DPYD: variants seen among roughly 807,000 people sequenced by gnomAD.
The protein encoded by DPYD is dihydropyrimidine dehydrogenase [NADP(+)].
In DPYD, 109 loss-of-function variants were observed where a neutral mutation model predicts 116.2. The ratio of observed to expected loss-of-function variants is 0.94; its 90% CI spans 0.80 to 1.10. The LOEUF (loss-of-function observed/expected upper bound fraction) is 1.10. Ranked by LOEUF, DPYD falls within the 50% of genes least tolerant of loss-of-function variation. DPYD has a pLI of 0.00. For synonymous variants in DPYD, 440 were observed against 432.0 expected (o/e 1.02, Z -0.23); for missense variants, 1,302 against 1,254.5 (o/e 1.04, Z -0.57).
intron 19 of DPYD, among the ~76,000 whole-genome samples, chr1:97,214,500 G>A (rs192181155): frequency 3.9e-5 from 6 of 152,270 alleles, no homozygotes; most frequent in Admixed American, 2.6e-4. Context: ...ATTCAACCAC[G>A]TTGGATAATC....
intron 13 of DPYD, among the ~76,000 whole-genome samples, chr1:97,490,303 C>T (rs1678896091): frequency 6.7e-6 from 1 of 148,488 alleles, no homozygotes; most frequent in Non-Finnish European, 1.5e-5. Context: ...TATTATTATA[C>T]TACTACTAAT....
chr1:97,199,915 C>G (rs1352995835), intron 19 of DPYD, among the ~76,000 whole-genome samples: 1 of 152,054 alleles, frequency 6.6e-6, no homozygotes, highest in Middle Eastern at 3.2e-3. Flanking sequence ...AAGTGCCTGG[C>G]AGAGGCCAAA....
At chr1:97,577,386 T>G (rs868252701) in intron 10 of DPYD, among the ~76,000 whole-genome samples, 24 of 152,344 alleles carry the variant, frequency 1.6e-4, no homozygotes, top group African/African-American at 5.5e-4. Flanking sequence ...CACACCACAG[T>G]GACTGCCTCT....
intron 20 of DPYD, among the ~76,000 whole-genome samples, chr1:97,179,279 G>A (rs1344539398): frequency 6.6e-6 from 1 of 152,134 alleles, no homozygotes; most frequent in Non-Finnish European, 1.5e-5. Context: ...CAAATGCTAT[G>A]TGTTTGCTTT....
chr1:97,124,381 T>C (rs907594978), intron 20 of DPYD, among the ~76,000 whole-genome samples: 3 of 152,216 alleles, frequency 2.0e-5, no homozygotes, highest in African/African-American at 7.2e-5. Flanking sequence ...TGAGCTGCAA[T>C]GCTTCAACAT....
At position 97,546,921 on chromosome 1, in the gene DPYD, T is replaced by C. The variant is rs1219086474; in HGVS notation, c.1524+2639A>G. 3.1e-6 allele frequency: 5 copies of C among 1,607,876 alleles called. No individual in the cohort carries two copies. In the East Asian group the frequency reaches 8.9e-5, roughly 29 times the overall value. Reference sequence around the variant, plus strand: ...AGGAGGACAGTGAGGGCTTTGAAGATAGCTTTGAGGAAGAAGAGGAGGAAG... The same window carrying C: ...AGGAGGACAGTGAGGGCTTTGAAGACAGCTTTGAGGAAGAAGAGGAGGAAG... On this transcript the variant is annotated intron_variant, in intron 12 of 22. Coordinates refer to ENST00000370192, the MANE Select transcript of DPYD (RefSeq NM_000110.4).
At chr1:97,870,261 G>A (rs916039664) in intron 2 of DPYD, among the ~76,000 whole-genome samples, 6 of 151,740 alleles carry the variant, frequency 4.0e-5, no homozygotes, top group African/African-American at 1.5e-4. Context: ...CTGAATCAAA[G>A]CATGACCATG....
chr1:97,500,967 C>A (rs985462059), intron 13 of DPYD, among the ~76,000 whole-genome samples: 1 of 152,010 alleles, frequency 6.6e-6, no homozygotes, highest in Non-Finnish European at 1.5e-5. Context: ...CTTAATTAGA[C>A]AATTTACTGT....
intron 20 of DPYD, among the ~76,000 whole-genome samples, chr1:97,166,055 C>T (rs1656300929): frequency 6.6e-6 from 1 of 152,130 alleles, no homozygotes; most frequent in Admixed American, 6.6e-5. Context: ...TACCATTCAA[C>T]CCAGCAATCC....
At chr1:97,897,287 C>T (rs1477097367) in intron 1 of DPYD, among the ~76,000 whole-genome samples, 1 of 151,826 alleles carries the variant, frequency 6.6e-6, no homozygotes, top group Non-Finnish European at 1.5e-5. Context: ...CTTCTGTATC[C>T]AGTACACCTG....
At chr1:97,867,067 GA>G (rs754301698) in intron 2 of DPYD, among the ~76,000 whole-genome samples, 9 of 151,772 alleles carry the variant, frequency 5.9e-5, no homozygotes, top group Non-Finnish European at 1.0e-4. Context: ...AATGTCTGAG[GA>G]CAAGGGGAGA....
At chr1:97,454,014 T>C (rs753996824) in intron 13 of DPYD, among the ~76,000 whole-genome samples, 5 of 152,080 alleles carry the variant, frequency 3.3e-5, no homozygotes, top group Non-Finnish European at 7.4e-5. Flanking sequence ...TACAGATGCC[T>C]ACTGTTGTAG....
chr1:97,625,009 G>T (rs1198887029), intron 8 of DPYD, among the ~76,000 whole-genome samples: 1 of 151,946 alleles, frequency 6.6e-6, no homozygotes, highest in Non-Finnish European at 1.5e-5. Context: ...GACCATAAGT[G>T]TGTGCTTTTT....
intron 5 of DPYD, chr1:97,720,181 C>A: frequency 4.1e-6 from 4 of 985,064 alleles, no homozygotes; most frequent in Non-Finnish European, 4.8e-6. Context: ...CACACACACA[C>A]ACACACAAAC....
intron 10 of DPYD, chr1:97,585,941 C>T: frequency 7.6e-6 from 1 of 131,398 alleles, no homozygotes; most frequent in Non-Finnish European, 1.6e-5. Context: ...CCCATGTTCA[C>T]AGAACAATTA....
intron 21 of DPYD, among the ~76,000 whole-genome samples, chr1:97,091,165 T>C (rs1474027036): frequency 6.6e-6 from 1 of 152,164 alleles, no homozygotes; most frequent in Non-Finnish European, 1.5e-5. Context: ...ACTGGGGTTC[T>C]TTCTACAGCA....
intron 18 of DPYD, among the ~76,000 whole-genome samples, chr1:97,252,758 T>C (rs1004891276): frequency 1.1e-4 from 17 of 152,176 alleles, no homozygotes; most frequent in Non-Finnish European, 8.8e-5. Context: ...TTCAAGTATA[T>C]TTGCAATCCA....
chr1:97,244,451 T>C (rs1662575534), intron 18 of DPYD, among the ~76,000 whole-genome samples: 2 of 151,974 alleles, frequency 1.3e-5, no homozygotes, highest in Admixed American at 6.6e-5. Context: ...AGAGAGGACA[T>C]TCAGATTTAG....
chr1:97,676,732 C>A (rs1660164352), intron 8 of DPYD, among the ~76,000 whole-genome samples: 1 of 152,116 alleles, frequency 6.6e-6, no homozygotes, highest in East Asian at 1.9e-4. Context: ...ATACAAAGGT[C>A]ATAAATTCCC....
Sources: gnomAD v4.1 joint callset for allele counts (sites outside exome capture counted in the v4.1 genomes callset) on GRCh38, gnomAD v4.1.1 for gene constraint, MANE v1.5 for transcripts, NCBI Gene and HGNC (gene_info 2026-07-23, HGNC 2026-07-21) for gene names.